The following RAB6B variants were observed in gnomAD, a reference collection of about 807,000 sequenced individuals.
The protein encoded by RAB6B is RAB6B, member RAS oncogene family.
In RAB6B, 7 loss-of-function variants were observed where a neutral mutation model predicts 31.2. The observed-to-expected ratio is 0.22, with a 90% CI of 0.13 to 0.42. The LOEUF (loss-of-function observed/expected upper bound fraction) is 0.42. RAB6B is among the 10% of genes least tolerant of loss of function. The pLI is 1.00. For synonymous variants in RAB6B, 105 were observed against 104.9 expected (o/e 1.00, Z -0.01); for missense variants, 149 against 280.6 (o/e 0.53, Z 3.35).
intron 4 of RAB6B, 115 bp downstream of exon 4, chr3:133,841,170 A>ATGTGTG (rs1935823816): frequency 3.5e-5 from 24 of 687,286 alleles, no homozygotes; most frequent in South Asian, 3.3e-4. Context: ...TCGCACACAC[A>ATGTGTG]TGCGTGTGCA....
chr3:133,842,103 G>C (rs146677611), intron 2 of RAB6B, among the ~76,000 whole-genome samples: 6 of 152,228 alleles, frequency 3.9e-5, no homozygotes, highest in Non-Finnish European at 8.8e-5. Context: ...CCTCGGGAGG[G>C]TGGGAGGCAG....
chr3:133,864,069 G>A (rs1363320840), intron 2 of RAB6B, among the ~76,000 whole-genome samples: 4 of 151,944 alleles, frequency 2.6e-5, no homozygotes, highest in South Asian at 4.2e-4. Context: ...ATGTAGGGCA[G>A]GGCAAGCTCA....
chr3:133,837,287 C>T (rs966793135), intron 6 of RAB6B, among the ~76,000 whole-genome samples: 28 of 152,302 alleles, frequency 1.8e-4, no homozygotes, highest in Middle Eastern at 3.4e-3. Flanking sequence ...AAGGGGACTA[C>T]TGAGTACTGA....
chr3:133,833,062 C>A (rs532757176), intron 7 of RAB6B, among the ~76,000 whole-genome samples: 1 of 152,200 alleles, frequency 6.6e-6, no homozygotes, highest in Non-Finnish European at 1.5e-5. Context: ...GCAGTGCAAC[C>A]CTTCCCCTTG....
chr3:133,889,172 A>T (rs1177282333), intron 1 of RAB6B, among the ~76,000 whole-genome samples: 1 of 151,918 alleles, frequency 6.6e-6, no homozygotes, highest in Non-Finnish European at 1.5e-5. Context: ...AGACAGCCCT[A>T]CACATTCAAT....
chr3:133,831,250 T>C (rs1327864105), intron 7 of RAB6B, among the ~76,000 whole-genome samples: 1 of 152,230 alleles, frequency 6.6e-6, no homozygotes, highest in Non-Finnish European at 1.5e-5. Context: ...TGTGTGTTTT[T>C]AACAAGTTCT....
intron 3 of RAB6B, 96 bp downstream of exon 3, chr3:133,841,514 C>A: frequency 6.5e-7 from 1 of 1,534,950 alleles, no homozygotes; most frequent in Non-Finnish European, 9.0e-7. Context: ...CCCCTAGTGT[C>A]GGCAGGTGCT....
At chr3:133,863,455 T>A (rs115699574) in intron 2 of RAB6B, among the ~76,000 whole-genome samples, 263 of 152,338 alleles carry the variant, frequency 1.7e-3, no homozygotes, top group African/African-American at 6.2e-3. Flanking sequence ...AGGGACGTCT[T>A]AGAACAGCAG....
Position 133,825,462 on chromosome 3 carries a change from A to G in RAB6B, c.*3326T>C, listed in dbSNP as rs1182379199. 2 of 152,214 alleles carry G rather than the reference A, an allele frequency of 1.3e-5. No individual in the cohort carries two copies. The highest frequency in any genetic ancestry group is 2.4e-5 in the African/African-American group (1 of 41,442). The allele number at this position is 152,214 out of a possible 1,614,324, so 9.4% of individuals were successfully genotyped here. A position where few individuals can be genotyped will look rare whatever the true frequency, so the allele number is the denominator to read the frequency against. ...CATGACTGAATGTTTAAGGATGACA[A>G]GAAGAGAGCAGCGATAGATAGCAAG... On this transcript the variant is annotated 3_prime_UTR_variant, in exon 8 of 8. Coordinates refer to ENST00000285208, the MANE Select transcript of RAB6B (RefSeq NM_016577.4).
chr3:133,839,766 A>G (rs1366393839), intron 4 of RAB6B, 149 bp from the exon 5 acceptor site: 4 of 684,796 alleles, frequency 5.8e-6, no homozygotes, highest in African/African-American at 1.8e-5. Flanking sequence ...AACACAGATC[A>G]GCTGGGTAGG....
At chr3:133,849,620 T>C (rs1487812716) in intron 2 of RAB6B, among the ~76,000 whole-genome samples, 2 of 152,228 alleles carry the variant, frequency 1.3e-5, no homozygotes, top group African/African-American at 4.8e-5. Flanking sequence ...TCAGTTTCCC[T>C]GAATGCAAAG....
chr3:133,841,561 C>T lies in RAB6B; in HGVS notation c.183+49G>A, dbSNP rs753344076. On this transcript the variant is annotated intron_variant, in intron 3 of 7. Transcript: ENST00000285208. ...CCAGCTAAGGGTCCTAGGGGATAAGCCCAAAGGAACCCTCCCTGCCCCTCC... is the reference window on the plus strand; with the variant it reads ...CCAGCTAAGGGTCCTAGGGGATAAGTCCAAAGGAACCCTCCCTGCCCCTCC... 5.3e-5 allele frequency: 85 copies of T among 1,601,496 alleles called. No homozygotes were observed. The South Asian group carries it at 9.1e-4, about 17-fold the overall frequency.
chr3:133,889,433 TATATA>T (rs1936604244), intron 1 of RAB6B, among the ~76,000 whole-genome samples: 15 of 80,448 alleles, frequency 1.9e-4, no homozygotes, highest in African/African-American at 7.8e-4. Flanking sequence ...TATATATATA[TATATA>T]TATATATTTA....
chr3:133,869,015 C>T (rs888201700), intron 1 of RAB6B, among the ~76,000 whole-genome samples: 4 of 152,260 alleles, frequency 2.6e-5, no homozygotes, highest in East Asian at 1.9e-4. Context: ...AGTAGCAAAG[C>T]GGCAGATCCC....
chr3:133,839,918 C>T (rs915553172), intron 4 of RAB6B, among the ~76,000 whole-genome samples: 6 of 152,102 alleles, frequency 3.9e-5, no homozygotes, highest in African/African-American at 1.4e-4. Context: ...GCTTTAGGGG[C>T]CCACCTGAGA....
At position 133,838,020 on chromosome 3, in the gene RAB6B, C is replaced by T; in HGVS notation, c.495+146G>A. On this transcript the variant is annotated intron_variant, in intron 6 of 7. Coordinates refer to ENST00000285208, the MANE Select transcript of RAB6B (RefSeq NM_016577.4). ...CAGCTCCGGAAATTAGCTCTCCCCT[C>T]CCTGGGCGCATCTATGGGTGTTCTG... The T allele has an allele frequency of 7.4e-6, 6 of 808,760 alleles. No individual in the cohort carries two copies. In the South Asian group the frequency reaches 9.5e-5, roughly 13 times the overall value. The allele number at this position is 808,760 out of a possible 1,614,324, so 50.1% of individuals were successfully genotyped here. A position where few individuals can be genotyped will look rare whatever the true frequency, so the allele number is the denominator to read the frequency against.
At chr3:133,858,724 A>G (rs1936117034) in intron 2 of RAB6B, among the ~76,000 whole-genome samples, 2 of 152,206 alleles carry the variant, frequency 1.3e-5, no homozygotes, top group South Asian at 4.1e-4. Context: ...TTGAGGAGAC[A>G]CAATTCAGCC....
At chr3:133,877,451 G>T (rs1553749047) in intron 1 of RAB6B, among the ~76,000 whole-genome samples, 1 of 152,180 alleles carries the variant, frequency 6.6e-6, no homozygotes, top group Non-Finnish European at 1.5e-5. Flanking sequence ...GGATGCTGGG[G>T]AGAGTCCTCA....
intron 2 of RAB6B, among the ~76,000 whole-genome samples, chr3:133,858,565 T>C (rs1016291207): frequency 2.0e-5 from 3 of 152,206 alleles, no homozygotes; most frequent in African/African-American, 4.8e-5. Context: ...TCTGTGAATG[T>C]CAATGTCCTC....
Sources: gnomAD v4.1 joint callset for allele counts (sites outside exome capture counted in the v4.1 genomes callset) on GRCh38, gnomAD v4.1.1 for gene constraint, MANE v1.5 for transcripts, NCBI Gene and HGNC (gene_info 2026-07-23, HGNC 2026-07-21) for gene names.